Variants in PRKCB observed in about 807,000 individuals in gnomAD.
PRKCB encodes protein kinase C beta type.
A neutral mutation model predicts 81.5 loss-of-function variants in PRKCB; 13 were observed. The ratio of observed to expected loss-of-function variants is 0.16; its 90% CI spans 0.10 to 0.25. The LOEUF is 0.25. PRKCB is among the 10% of genes least tolerant of loss of function. PRKCB has a pLI of 1.00. For synonymous variants in PRKCB, 335 were observed against 321.4 expected, an observed-to-expected ratio of 1.04 and a Z score of -0.45; for missense variants, 509 against 875.7, an observed-to-expected ratio of 0.58 and a Z score of 5.29.
At chr16:24,152,276 C>T (rs574167463) in intron 9 of PRKCB, among the ~76,000 whole-genome samples, 2 of 152,218 alleles carry the variant, frequency 1.3e-5, no homozygotes, top group African/African-American at 2.4e-5. Flanking sequence ...TAAAATCATC[C>T]GATCTTGTGA....
intron 2 of PRKCB, among the ~76,000 whole-genome samples, chr16:23,859,676 C>T (rs979254149): frequency 6.6e-6 from 1 of 151,808 alleles, no homozygotes; most frequent in Non-Finnish European, 1.5e-5. Flanking sequence ...CAGTGAGGTG[C>T]GGGGAGAAGC....
At chr16:23,967,908 G>A (rs932491430) in intron 2 of PRKCB, among the ~76,000 whole-genome samples, 3 of 152,208 alleles carry the variant, frequency 2.0e-5, no homozygotes, top group South Asian at 4.1e-4. Context: ...ACCTGCCGTG[G>A]CCTTCCAAAG....
At chr16:24,072,743 A>G (rs1298624568) in intron 5 of PRKCB, among the ~76,000 whole-genome samples, 2 of 151,850 alleles carry the variant, frequency 1.3e-5, no homozygotes, top group African/African-American at 2.4e-5. Context: ...CACCAGACCG[A>G]GCTAATTTTT....
chr16:23,884,300 G>C (rs1395677449), intron 2 of PRKCB, among the ~76,000 whole-genome samples: 1 of 152,208 alleles, frequency 6.6e-6, no homozygotes, highest in Non-Finnish European at 1.5e-5. Flanking sequence ...GTAAGCAAAA[G>C]TCCTGGAGAT....
intron 9 of PRKCB, 63 bp from the exon 10 acceptor site, chr16:24,154,621 G>A (rs1967127911): frequency 2.0e-6 from 3 of 1,535,266 alleles, no homozygotes; most frequent in Non-Finnish European, 2.7e-6. Context: ...ATGAACACCA[G>A]CTGCTCATAA....
At chr16:23,916,400 T>C (rs1280923287) in intron 2 of PRKCB, among the ~76,000 whole-genome samples, 1 of 152,098 alleles carries the variant, frequency 6.6e-6, no homozygotes, top group Non-Finnish European at 1.5e-5. Context: ...TATCCTATTC[T>C]ATAATTGTTT....
At chr16:24,023,869 A>G (rs1289827892) in intron 3 of PRKCB, among the ~76,000 whole-genome samples, 1 of 152,158 alleles carries the variant, frequency 6.6e-6, no homozygotes, top group Non-Finnish European at 1.5e-5. Flanking sequence ...AACTCCCAGC[A>G]CAGCCAGGCT....
intron 5 of PRKCB, among the ~76,000 whole-genome samples, chr16:24,079,078 A>C (rs1966216656): frequency 6.6e-6 from 1 of 152,170 alleles, no homozygotes; most frequent in Non-Finnish European, 1.5e-5. Flanking sequence ...AATAGCCTTA[A>C]CTAATGACGT....
intron 2 of PRKCB, among the ~76,000 whole-genome samples, chr16:23,949,208 C>T (rs945238546): frequency 6.6e-6 from 1 of 151,928 alleles, no homozygotes; most frequent in Admixed American, 6.6e-5. Context: ...AAAGAAAGAA[C>T]GAACAAACAA....
intron 5 of PRKCB, among the ~76,000 whole-genome samples, chr16:24,065,226 A>G (rs1966018002): frequency 1.3e-5 from 2 of 151,496 alleles, no homozygotes; most frequent in Admixed American, 6.6e-5. Context: ...ATTTGAGTCT[A>G]TATCTACCAC....
At chr16:23,852,743 C>T (rs757605914) in intron 2 of PRKCB, among the ~76,000 whole-genome samples, 2 of 152,168 alleles carry the variant, frequency 1.3e-5, no homozygotes, top group Non-Finnish European at 2.9e-5. Flanking sequence ...CCCTATCAAC[C>T]GTATCCTTCA....
intron 5 of PRKCB, among the ~76,000 whole-genome samples, chr16:24,049,681 A>G (rs1466268811): frequency 6.6e-6 from 1 of 152,156 alleles, no homozygotes; most frequent in Non-Finnish European, 1.5e-5. Flanking sequence ...GAGGGATAAA[A>G]CCAAGTTCAC....
At chr16:24,000,130 A>G (rs1237975666) in intron 3 of PRKCB, among the ~76,000 whole-genome samples, 1 of 152,236 alleles carries the variant, frequency 6.6e-6, no homozygotes, top group South Asian at 2.1e-4. Context: ...CAAGTGGTAG[A>G]AAAATAGATT....
chr16:23,927,546 A>G (rs1410175340), intron 2 of PRKCB, among the ~76,000 whole-genome samples: 1 of 152,070 alleles, frequency 6.6e-6, no homozygotes, highest in Non-Finnish European at 1.5e-5. Context: ...TGCCGTTAAA[A>G]ATGAATTTCA....
At chr16:24,139,062 G>A (rs1300661234) in intron 9 of PRKCB, among the ~76,000 whole-genome samples, 1 of 151,900 alleles carries the variant, frequency 6.6e-6, no homozygotes, top group East Asian at 1.9e-4. Flanking sequence ...ATGTTGACCA[G>A]GCTGGTCTCA....
At chr16:24,045,946 G>C (rs77596967) in intron 5 of PRKCB, among the ~76,000 whole-genome samples, 1 of 152,232 alleles carries the variant, frequency 6.6e-6, no homozygotes, top group African/African-American at 2.4e-5. Flanking sequence ...GTTGGCCATG[G>C]CATCTTACCA....
intron 2 of PRKCB, among the ~76,000 whole-genome samples, chr16:23,985,694 T>C (rs1567335161): frequency 6.6e-6 from 1 of 152,190 alleles, no homozygotes; most frequent in Non-Finnish European, 1.5e-5. Flanking sequence ...AAAAATTCCA[T>C]TGGTATTTTT....
chr16:23,994,306 C>A (rs978256106), intron 3 of PRKCB, among the ~76,000 whole-genome samples: 125 of 152,238 alleles, frequency 8.2e-4, no homozygotes, highest in South Asian at 4.4e-3. Flanking sequence ...CAGTGAGTCC[C>A]CAAACACATC....
intron 5 of PRKCB, among the ~76,000 whole-genome samples, chr16:24,087,777 T>A (rs1253294458): frequency 1.3e-5 from 2 of 152,206 alleles, no homozygotes; most frequent in East Asian, 3.8e-4. Context: ...TTAACATGCA[T>A]GCTATCTTTT....
Sources: allele counts gnomAD v4.1 joint callset (sites outside exome capture counted in the v4.1 genomes callset), GRCh38; gene constraint gnomAD v4.1.1; transcripts MANE v1.5; gene names NCBI Gene and HGNC (gene_info 2026-07-23, HGNC 2026-07-21).